Variants in FAT4 observed in about 807,000 individuals in gnomAD.
FAT4 encodes the protein FAT atypical cadherin 4.
FAT4 carries 84 observed loss-of-function variants against 303.9 expected under a neutral mutation model. The ratio of observed to expected loss-of-function variants is 0.28; its 90% CI spans 0.23 to 0.33. FAT4 has a LOEUF of 0.33. Among genes scored for constraint, FAT4 ranks in the 10% least tolerant of loss-of-function variants. The pLI, the probability that FAT4 is intolerant of heterozygous loss-of-function variation, is 1.00. For missense variants in FAT4, 6,005 were observed against 6,146.8 expected (o/e 0.98, Z 0.77); for synonymous variants, 2,307 against 2,298.8 (o/e 1.00, Z -0.10).
chr4:125,322,389 G>A (rs191978841), intron 2 of FAT4, among the ~76,000 whole-genome samples: 135 of 152,256 alleles, frequency 8.9e-4, no homozygotes, highest in Non-Finnish European at 1.7e-3. Flanking sequence ...GCCTTCCCTG[G>A]AGTGTATTTT....
At chr4:125,489,627 C>T (rs1375899037) in intron 17 of FAT4, among the ~76,000 whole-genome samples, 1 of 152,036 alleles carries the variant, frequency 6.6e-6, no homozygotes, top group Non-Finnish European at 1.5e-5. Context: ...ATTCAGCCTG[C>T]CCAAGTCATT....
chr4:125,390,628 C>T (rs1007786133), intron 2 of FAT4, among the ~76,000 whole-genome samples: 1 of 152,136 alleles, frequency 6.6e-6, no homozygotes, highest in African/African-American at 2.4e-5. Context: ...TAAACTGAGG[C>T]ATCATTTAGC....
intron 2 of FAT4, among the ~76,000 whole-genome samples, chr4:125,348,935 T>A (rs1399304869): frequency 6.6e-6 from 1 of 151,734 alleles, no homozygotes; most frequent in Non-Finnish European, 1.5e-5. Context: ...AAGTTAGTTT[T>A]CAAAAGTCCA....
chr4:125,423,966 C>T lies in FAT4; in HGVS notation c.7018+7344C>T, dbSNP rs142113230. 2.7e-3 allele frequency among the ~76,000 whole-genome samples: 405 copies of T among 152,288 alleles called. 2 individuals carry two copies. Among genetic ancestry groups the T allele is most frequent in the Middle Eastern group, 6.8e-3 (2 of 294 alleles). On this transcript the variant is annotated intron_variant, in intron 7 of 17. Transcript: ENST00000394329. ...GGGTGTATTTACCTAATGCCTGTAC[C>T]GTATTATATCTATGAAGTAACTGCT...
chr4:125,401,899 C>T (rs1371960528), intron 3 of FAT4, among the ~76,000 whole-genome samples: 3 of 151,672 alleles, frequency 2.0e-5, no homozygotes, highest in Non-Finnish European at 3.0e-5. Context: ...GTGGTTCATC[C>T]GGAGAGCAGA....
At chr4:125,419,841 G>A (rs925241) in intron 7 of FAT4, among the ~76,000 whole-genome samples, 150,927 of 152,342 alleles carry the variant, frequency 0.99, 74,777 homozygotes, top group East Asian at 1. Flanking sequence ...AAATCAGTAA[G>A]TGCTTTGAAT....
chr4:125,451,343 T>C lies in FAT4; in HGVS notation c.10333T>C (p.Phe3445Leu). The C allele has an allele frequency of 6.2e-7, 1 of 1,614,116 alleles. No individual in the cohort carries two copies. Among genetic ancestry groups the C allele is most frequent in the Non-Finnish European group, 8.5e-7 (1 of 1,180,008 alleles). Reference protein sequence around the residue: ...SIPSWSRFSYFIGSGNENGAF... With the variant: ...SIPSWSRFSYLIGSGNENGAF... ...CCCCAGCTGGAGCAGGTTTTCTTAC[T>C]TCATCGGATCAGGGAATGAAAATGG... The change falls in exon 10 of 18, where the codon TTC becomes CTC. Residue 3445 changes from phenylalanine to leucine, a missense_variant. By Grantham distance (22) the Phe-to-Leu change is conservative. Transcript: ENST00000394329.
At position 125,320,184 on chromosome 4, in the gene FAT4, T is replaced by C; in HGVS notation, c.3773T>C (p.Phe1258Ser). Residue 1258 changes from phenylalanine (F) to serine (S), a missense_variant, in exon 2 of 18, where the codon TTT (phenylalanine) becomes TCT (serine). Phe to Ser is a radical substitution (Grantham distance 155). Transcript: ENST00000394329. ...ATAAAAGGAAATGAAGAAAGACAGT[T>C]TGCTATAGACAGTACCTCTGGTCAG... ...SIIKGNEERQFAIDSTSGQVT... is the reference protein window; with the variant it reads ...SIIKGNEERQSAIDSTSGQVT... 1 of 1,613,834 alleles carries C rather than the reference T, an allele frequency of 6.2e-7. No individual in the cohort carries two copies. Among genetic ancestry groups the C allele is most frequent in the Non-Finnish European group, 8.5e-7 (1 of 1,179,728 alleles).
intron 5 of FAT4, among the ~76,000 whole-genome samples, chr4:125,409,717 C>G (rs1260993092): frequency 6.6e-6 from 1 of 152,168 alleles, no homozygotes; most frequent in African/African-American, 2.4e-5. Flanking sequence ...ATTTTAATAG[C>G]TGACTCCTTT....
chr4:125,475,101 C>A (rs1291606902), intron 12 of FAT4, among the ~76,000 whole-genome samples: 4 of 152,046 alleles, frequency 2.6e-5, no homozygotes, highest in Non-Finnish European at 5.9e-5. Flanking sequence ...AACCTTTCAA[C>A]CTCTTGTCCA....
intron 2 of FAT4, among the ~76,000 whole-genome samples, chr4:125,339,466 G>A (rs1161257159): frequency 1.3e-5 from 2 of 152,062 alleles, no homozygotes; most frequent in East Asian, 1.9e-4. Context: ...AAAGTGCTGG[G>A]ATTATAGGAG....
chr4:125,408,849 T>C, intron 5 of FAT4, 55 bp downstream of exon 5: 1 of 937,046 alleles, frequency 1.1e-6, no homozygotes, highest in Admixed American at 2.8e-5. Flanking sequence ...TCATCAGATT[T>C]ATATTACATT....
intron 13 of FAT4, 127 bp from the exon 14 acceptor site, chr4:125,477,028 C>A: frequency 1.6e-6 from 1 of 626,310 alleles, no homozygotes; most frequent in Non-Finnish European, 2.3e-6. Context: ...TACATATTTT[C>A]CATTGAAATT....
chr4:125,444,862 T>A (rs1247713074), intron 8 of FAT4, among the ~76,000 whole-genome samples: 1 of 152,110 alleles, frequency 6.6e-6, no homozygotes, highest in Non-Finnish European at 1.5e-5. Context: ...AATTACACAA[T>A]TCTCAAATCC....
intron 8 of FAT4, among the ~76,000 whole-genome samples, chr4:125,445,061 A>G (rs1054497390): frequency 6.6e-6 from 1 of 152,104 alleles, no homozygotes; most frequent in Non-Finnish European, 1.5e-5. Flanking sequence ...AGTTAATGCT[A>G]TTTTCACACA....
At chr4:125,478,364 A>T (rs1244632461) in intron 14 of FAT4, among the ~76,000 whole-genome samples, 1 of 152,148 alleles carries the variant, frequency 6.6e-6, no homozygotes, top group Non-Finnish European at 1.5e-5. Context: ...ATCCTTTTAT[A>T]TCTCCGTGTT....
intron 10 of FAT4, among the ~76,000 whole-genome samples, chr4:125,458,459 A>C (rs1726365895): frequency 6.6e-6 from 1 of 151,928 alleles, no homozygotes; most frequent in Non-Finnish European, 1.5e-5. Context: ...AAACCATATA[A>C]TATAAAAGAA....
chr4:125,439,499 ATT>A (rs58479752), intron 8 of FAT4, among the ~76,000 whole-genome samples: 8 of 145,008 alleles, frequency 5.5e-5, no homozygotes, highest in South Asian at 2.2e-4. Flanking sequence ...TGCCCGGCTA[ATT>A]TTTTTTTTTT....
In FAT4 at chr4:125,463,564, G is replaced by A. The variant is rs1216169393; in HGVS notation, c.11802G>A (p.Gly3934=). 1 of 1,565,240 alleles carries A rather than the reference G, an allele frequency of 6.4e-7. No homozygotes were observed. Among genetic ancestry groups the A allele is most frequent in the Non-Finnish European group, 8.7e-7 (1 of 1,149,846 alleles). The change falls in exon 11 of 18, where the codon GGG becomes GGA. Residue 3934 remains glycine, a splice_region_variant and synonymous_variant. Transcript: ENST00000394329. ...AAAACTGAATTTGATATATTTTAGG[G>A]AAAATGTGTGAATCTTCAGTCAATT... is the stretch of plus-strand genomic sequence containing the variant. ...FNCVCKTGYT[G]KMCESSVNYC...
Sources: allele counts gnomAD v4.1 joint callset (sites outside exome capture counted in the v4.1 genomes callset), GRCh38; gene constraint gnomAD v4.1.1; transcripts MANE v1.5; gene names NCBI Gene and HGNC (gene_info 2026-07-23, HGNC 2026-07-21).